Variants in ANAPC1 observed in about 807,000 individuals in gnomAD.
ANAPC1 encodes the protein anaphase-promoting complex subunit 1.
A neutral mutation model predicts 208.0 loss-of-function variants in ANAPC1; 36 were observed. That is an observed-to-expected ratio of 0.17 (90% CI 0.13 to 0.23). ANAPC1 has a LOEUF of 0.23. ANAPC1 is among the 10% of genes least tolerant of loss of function. The probability of loss-of-function intolerance (pLI) is 1.00; values close to 1 mark genes in which losing one functional copy is unlikely to be tolerated. For synonymous variants in ANAPC1, 378 were observed against 695.2 expected (o/e 0.54, Z 7.18); for missense variants, 942 against 2,011.6 (o/e 0.47, Z 10.17).
intron 17 of ANAPC1, among the ~76,000 whole-genome samples, chr2:111,843,033 G>C (rs1680853091): frequency 6.6e-6 from 1 of 152,172 alleles, no homozygotes; most frequent in African/African-American, 2.4e-5. Flanking sequence ...TGTTAAACAA[G>C]GAGTCAGAAG....
intron 27 of ANAPC1, among the ~76,000 whole-genome samples, chr2:111,816,200 G>T (rs1244514887): frequency 6.7e-6 from 1 of 150,284 alleles, no homozygotes; most frequent in Non-Finnish European, 1.5e-5. Context: ...GGAGGCAGAG[G>T]TTGCAGTGAG....
chr2:111,775,323 T>G (rs182220579), intron 46 of ANAPC1, among the ~76,000 whole-genome samples: 82 of 152,298 alleles, frequency 5.4e-4, no homozygotes, highest in Middle Eastern at 3.4e-3. Context: ...ATTTTCAGAT[T>G]AGTGTAGTGA....
intron 8 of ANAPC1, among the ~76,000 whole-genome samples, chr2:111,864,462 A>ATATATT (rs1553434779): frequency 6.2e-5 from 2 of 32,358 alleles, no homozygotes; most frequent in Non-Finnish European, 9.4e-5. Flanking sequence ...ATATATATAT[A>ATATATT]CTTTTTTTTT....
chr2:111,856,167 G>A (rs527732868), intron 13 of ANAPC1, among the ~76,000 whole-genome samples: 6 of 152,262 alleles, frequency 3.9e-5, no homozygotes, highest in East Asian at 1.9e-4. Flanking sequence ...CCCGGGAGGC[G>A]GAGCTTGCAG....
At chr2:111,856,307 T>G (rs7566813) in intron 13 of ANAPC1, 4 of 259,254 alleles carry the variant, frequency 1.5e-5, no homozygotes, top group African/African-American at 6.9e-5. Flanking sequence ...TTACCAAAGG[T>G]ACCCATGCTT....
intron 27 of ANAPC1, among the ~76,000 whole-genome samples, chr2:111,817,444 C>A (rs1328167744): frequency 2.0e-5 from 3 of 151,928 alleles, no homozygotes; most frequent in Non-Finnish European, 4.4e-5. Flanking sequence ...ATATACCATG[C>A]CTTCCATCAA....
At chr2:111,771,380 G>T (rs144310821) in intron 47 of ANAPC1, among the ~76,000 whole-genome samples, 15 of 152,298 alleles carry the variant, frequency 9.8e-5, no homozygotes, top group African/African-American at 3.6e-4. Context: ...TCTGAGTTAT[G>T]ATTTCTATTG....
rs574935033 is a variant in ANAPC1 at position 111,880,625 on chromosome 2, G to C, written c.201C>G (p.His67Gln). 24 of 1,610,444 alleles carry C rather than the reference G, an allele frequency of 1.5e-5. No individual in the cohort carries two copies. In the Admixed American group the frequency reaches 3.5e-4, roughly 24 times the overall value. ...LVGSLQEVTI[H>Q]EKQKESWQLR... is the part of the protein sequence containing the mutation. ...AACTCAATGGAACCTTCTGTTTCTCGTGGATTGTAACCTCCTGAAGGGATC... is the reference window on the plus strand; with the variant it reads ...AACTCAATGGAACCTTCTGTTTCTCCTGGATTGTAACCTCCTGAAGGGATC... Residue 67 changes from histidine (H) to glutamine (Q), a missense_variant, in exon 2 of 48, where the codon CAC (histidine) becomes CAG (glutamine). His to Gln is a conservative substitution (Grantham distance 24, BLOSUM62 0). Coordinates refer to ENST00000341068, the MANE Select transcript of ANAPC1 (RefSeq NM_022662.4).
chr2:111,878,179 C>A (rs1458075655), intron 3 of ANAPC1, among the ~76,000 whole-genome samples: 1 of 152,194 alleles, frequency 6.6e-6, no homozygotes, highest in African/African-American at 2.4e-5. Flanking sequence ...CATTTACAAT[C>A]CTTGTTGGAA....
At chr2:111,862,691 C>G (rs1319569314) in intron 9 of ANAPC1, 93 bp from the exon 10 acceptor site, 140 of 1,495,392 alleles carry the variant, frequency 9.4e-5, no homozygotes, top group Non-Finnish European at 1.2e-4. Context: ...ATTCCACAGA[C>G]AGAAGAGCAT....
Position 111,783,918 on chromosome 2 carries a change from C to T in ANAPC1, c.5042G>A (p.Ser1681Asn). 1.2e-6 allele frequency: 1 copy of T among 839,056 alleles called. No homozygotes were observed. Among genetic ancestry groups the T allele is most frequent in the Non-Finnish European group, 2.0e-6 (1 of 511,514 alleles). The allele number at this position is 839,056 out of a possible 1,614,324, so 52.0% of individuals were successfully genotyped here. A position where few individuals can be genotyped will look rare whatever the true frequency, so the allele number is the denominator to read the frequency against. Residue 1681 changes from serine to asparagine, a missense_variant, in exon 42 of 48, where the codon AGC (serine) becomes AAC (asparagine). Transcript: ENST00000341068. Reference protein sequence around the residue: ...PRYWELLIDLSKGTQHLKSIL... With the variant: ...PRYWELLIDLNKGTQHLKSIL... ...TTACTTCAAGTGTTGTGTTCCTTTG[C>T]TTAAATCTATGAGCAGTTCCCAGTA...
At chr2:111,832,764 A>G (rs1188371865) in intron 20 of ANAPC1, among the ~76,000 whole-genome samples, 1 of 151,670 alleles carries the variant, frequency 6.6e-6, no homozygotes, top group Admixed American at 6.6e-5. Flanking sequence ...CTCGTCTCTA[A>G]TAACAATACA....
At position 111,816,198 on chromosome 2, in the gene ANAPC1, A is replaced by T. The variant is rs1459647958; in HGVS notation, c.3326-557T>A. On this transcript the variant is annotated intron_variant, in intron 27 of 47. Coordinates refer to ENST00000341068, the MANE Select transcript of ANAPC1 (RefSeq NM_022662.4). ...AGAATCACTTGAACCTGGGAGGCAG[A>T]GGTTGCAGTGAGCCAAGATCATGCC... 2.7e-5 allele frequency among the ~76,000 whole-genome samples: 4 copies of T among 150,626 alleles called. No homozygotes were observed. The East Asian group carries it at 7.9e-4, about 30-fold the overall frequency.
chr2:111,782,204 TA>T (rs1475777838), intron 43 of ANAPC1, among the ~76,000 whole-genome samples, 164 bp downstream of exon 43: 1 of 150,424 alleles, frequency 6.6e-6, no homozygotes, highest in Admixed American at 6.6e-5. Flanking sequence ...CATTATATTT[TA>T]TTATTTATTT....
At chr2:111,851,535 G>A (rs181606567) in intron 13 of ANAPC1, among the ~76,000 whole-genome samples, 63 of 152,188 alleles carry the variant, frequency 4.1e-4, no homozygotes, top group South Asian at 1.2e-3. Flanking sequence ...GGCCGGGCGC[G>A]GTGGCTCACG....
At chr2:111,845,976 CA>C (rs34090398) in intron 16 of ANAPC1, among the ~76,000 whole-genome samples, 3,038 of 101,166 alleles carry the variant, frequency 0.03, 43 homozygotes, top group Middle Eastern at 0.043. Context: ...GACTCCGTCT[CA>C]AAAAAAAAAA....
chr2:111,842,352 T>A (rs887499554), intron 17 of ANAPC1, among the ~76,000 whole-genome samples: 6 of 152,096 alleles, frequency 3.9e-5, no homozygotes, highest in African/African-American at 9.7e-5. Flanking sequence ...ATTTTAAAAA[T>A]GGATTTGCTG....
intron 6 of ANAPC1, among the ~76,000 whole-genome samples, chr2:111,872,331 C>T (rs2311817): frequency 6.6e-6 from 1 of 152,174 alleles, no homozygotes; most frequent in African/African-American, 2.4e-5. Flanking sequence ...ACAAAACCCA[C>T]TTGATCATGA....
chr2:111,851,241 T>A (rs1408948339), intron 13 of ANAPC1, among the ~76,000 whole-genome samples: 1 of 152,122 alleles, frequency 6.6e-6, no homozygotes, highest in Non-Finnish European at 1.5e-5. Context: ...TAGCTGGAAC[T>A]ATAGGCACAT....
Sources: gnomAD v4.1 joint callset for allele counts (sites outside exome capture counted in the v4.1 genomes callset) on GRCh38, gnomAD v4.1.1 for gene constraint, MANE v1.5 for transcripts, NCBI Gene and HGNC (gene_info 2026-07-23, HGNC 2026-07-21) for gene names.